The following NDUFAF6 variants were observed in gnomAD, a reference collection of about 807,000 sequenced individuals.
NDUFAF6 encodes NADH dehydrogenase (ubiquinone) complex I, assembly factor 6.
Under a neutral mutation model 40.8 loss-of-function variants are expected in NDUFAF6, and 45 were observed. That is an observed-to-expected ratio of 1.10 (90% confidence interval 0.87 to 1.42). The LOEUF is 1.42. Among genes scored for constraint, NDUFAF6 ranks in the 40% most tolerant of loss-of-function variants. The pLI, the probability that NDUFAF6 is intolerant of heterozygous loss-of-function variation, is 0.00. For synonymous variants in NDUFAF6, 185 were observed against 155.9 expected (o/e 1.19, Z -1.39); for missense variants, 435 against 418.5 (o/e 1.04, Z -0.34).
chr8:94,999,714 G>A lies in NDUFAF6; in HGVS notation c.-84+18741G>A, dbSNP rs141045509. On this transcript the variant is annotated intron_variant, in intron 2 of 9. Transcript: ENST00000396111. ...TTACAGGCGTGAGCCACCACACCGG[G>A]CCCATTCTATTTATTTTTTAAAATG... Among the ~76,000 whole-genome samples, 726 of 152,280 alleles carry A rather than the reference G, an allele frequency of 4.8e-3. 5 individuals are homozygous for A. Among genetic ancestry groups the A allele is most frequent in the Middle Eastern group, 0.014 (4 of 292 alleles).
intron 7 of NDUFAF6, 117 bp from the exon 8 acceptor site, chr8:95,052,057 G>A: frequency 1.1e-6 from 1 of 946,552 alleles, no homozygotes; most frequent in Non-Finnish European, 1.7e-6. Context: ...GAGATGAGCT[G>A]TTTTCTTGCA....
intron 1 of NDUFAF6, among the ~76,000 whole-genome samples, chr8:94,933,368 A>G (rs938749402): frequency 1.3e-5 from 2 of 152,242 alleles, no homozygotes; most frequent in African/African-American, 2.4e-5. Context: ...CTAGAAAACC[A>G]TAACAACCTT....
intron 2 of NDUFAF6, among the ~76,000 whole-genome samples, chr8:94,981,162 C>T (rs1825412427): frequency 6.6e-6 from 1 of 152,236 alleles, no homozygotes; most frequent in Non-Finnish European, 1.5e-5. Context: ...GGATGAATGC[C>T]TTACTCTTGC....
chr8:94,896,313 G>A (rs1289964934), intron 1 of NDUFAF6: 1 of 147,554 alleles, frequency 6.8e-6, no homozygotes, highest in Non-Finnish European at 1.5e-5. Flanking sequence ...CGCGCGAGCC[G>A]GCAGCGCGGG....
intron 1 of NDUFAF6, among the ~76,000 whole-genome samples, chr8:94,900,669 C>T (rs1474126226): frequency 6.6e-6 from 1 of 152,164 alleles, no homozygotes; most frequent in African/African-American, 2.4e-5. Context: ...CGGGGCCCTG[C>T]TCTCCACTGA....
chr8:94,985,145 T>C lies in NDUFAF6; in HGVS notation c.-84+4172T>C, dbSNP rs533870943. ...GGGGTTCTAGAAATAATTTTCTCCC[T>C]AATCAAAAAAGACTCTATAGCAAAA... On this transcript the variant is annotated intron_variant, in intron 2 of 9. Coordinates refer to the NDUFAF6 transcript ENST00000396111. 2.0e-5 allele frequency among the ~76,000 whole-genome samples: 3 copies of C among 152,140 alleles called. No individual in the cohort carries two copies. In the East Asian group the frequency reaches 5.8e-4, roughly 29 times the overall value.
intron 1 of NDUFAF6, among the ~76,000 whole-genome samples, chr8:94,902,658 TTGTA>T (rs1021230221): frequency 6.6e-6 from 1 of 151,960 alleles, no homozygotes; most frequent in African/African-American, 2.4e-5. Context: ...CTGAACATTC[TTGTA>T]TGTCCACAAG....
chr8:94,910,452 C>T (rs937201764), intron 1 of NDUFAF6, among the ~76,000 whole-genome samples: 1 of 152,214 alleles, frequency 6.6e-6, no homozygotes, highest in African/African-American at 2.4e-5. Context: ...CGCGCCTGGC[C>T]TGAACTGGTC....
chr8:94,965,439 G>C (rs550167225), intron 1 of NDUFAF6, among the ~76,000 whole-genome samples: 8 of 152,296 alleles, frequency 5.3e-5, no homozygotes, highest in African/African-American at 1.4e-4. Flanking sequence ...TATTCTGAAG[G>C]CCACACAAGT....
chr8:94,907,558 C>G (rs10956930), intron 1 of NDUFAF6, among the ~76,000 whole-genome samples: 94,276 of 152,042 alleles, frequency 0.62, 29,965 homozygotes, highest in East Asian at 0.79. Context: ...GTGATTATCC[C>G]ATATACCCAA....
At chr8:95,102,066 C>G (rs935734286) in intron 2 of NDUFAF6, among the ~76,000 whole-genome samples, 1 of 152,074 alleles carries the variant, frequency 6.6e-6, no homozygotes, top group Non-Finnish European at 1.5e-5. Context: ...GGCATGATCT[C>G]GGCTCACTGC....
intron 2 of NDUFAF6, among the ~76,000 whole-genome samples, chr8:95,090,940 C>G (rs1809228622): frequency 6.9e-6 from 1 of 145,976 alleles, no homozygotes; most frequent in African/African-American, 2.5e-5. Context: ...GACTGCCTCT[C>G]CTTGCTCCTC....
At chr8:95,030,214 A>ATTATTTATTTAT (rs763490509) in intron 1 of NDUFAF6, among the ~76,000 whole-genome samples, 34 of 150,702 alleles carry the variant, frequency 2.3e-4, no homozygotes, top group Admixed American at 7.3e-4. Context: ...AATTGTTACT[A>ATTATTTATTTAT]TTATTTATTT....
chr8:95,063,583 C>T (rs1432539444), downstream of NDUFAF6, among the ~76,000 whole-genome samples: 4 of 152,094 alleles, frequency 2.6e-5, no homozygotes, highest in East Asian at 1.9e-4. Flanking sequence ...GGTGACACAG[C>T]GAGACTCTGT....
intron 1 of NDUFAF6, among the ~76,000 whole-genome samples, chr8:94,938,335 G>C (rs2904894): frequency 6.6e-6 from 1 of 152,198 alleles, no homozygotes; most frequent in Non-Finnish European, 1.5e-5. Flanking sequence ...TTGTTGTAAG[G>C]AATCCAAGTT....
chr8:94,981,023 C>T (rs1338883209), intron 2 of NDUFAF6: 3 of 455,682 alleles, frequency 6.6e-6, no homozygotes, highest in Admixed American at 4.7e-5. Context: ...CAAAGAGGCT[C>T]TTTCCCCCAC....
chr8:95,099,346 A>G (rs566649943), upstream of NDUFAF6, among the ~76,000 whole-genome samples: 6 of 151,480 alleles, frequency 4.0e-5, no homozygotes, highest in South Asian at 2.1e-4. Flanking sequence ...TGGAAAAAAA[A>G]AAAAGAAAAG....
intron 2 of NDUFAF6, among the ~76,000 whole-genome samples, chr8:94,952,966 A>G (rs935543542): frequency 4.6e-5 from 7 of 152,238 alleles, no homozygotes; most frequent in Non-Finnish European, 7.3e-5. Context: ...CTTCAGGCCT[A>G]GAGTATTTTC....
chr8:95,055,715 CAT>C (rs1263619674), intron 8 of NDUFAF6, among the ~76,000 whole-genome samples: 2 of 152,126 alleles, frequency 1.3e-5, no homozygotes, highest in Non-Finnish European at 2.9e-5. Flanking sequence ...ACCAAGAGAA[CAT>C]GTGAAAGAAA....
Sources: allele counts gnomAD v4.1 joint callset (sites outside exome capture counted in the v4.1 genomes callset), GRCh38; gene constraint gnomAD v4.1.1; transcripts MANE v1.5; gene names NCBI Gene and HGNC (gene_info 2026-07-23, HGNC 2026-07-21).